PIGU: variants seen among roughly 807,000 people sequenced by gnomAD.
PIGU encodes phosphatidylinositol glycan anchor biosynthesis class U.
A neutral mutation model predicts 49.9 loss-of-function variants in PIGU; 24 were observed. The observed-to-expected ratio is 0.48, with a 90% CI of 0.35 to 0.68. The LOEUF is 0.68. Ranked by LOEUF, PIGU falls within the 30% of genes least tolerant of loss-of-function variation. The pLI, the probability that PIGU is intolerant of heterozygous loss-of-function variation, is 0.01. For synonymous variants in PIGU, 220 were observed against 205.7 expected (o/e 1.07, Z -0.59); for missense variants, 490 against 532.6 (o/e 0.92, Z 0.79).
intron 1 of PIGU, among the ~76,000 whole-genome samples, chr20:34,657,933 CCTCTCCCTCTCCCTCACCCTCTCCCT>C (rs1986755048): frequency 7.1e-6 from 1 of 140,848 alleles, no homozygotes; most frequent in African/African-American, 2.7e-5. Flanking sequence ...ATAACCTCTC[CCTCTCCCTCTCCCTCACCCTCTCCCT>C]CTCTCTCTCT....
chr20:34,654,481 C>CAAA (rs199991691), intron 2 of PIGU, among the ~76,000 whole-genome samples: 1 of 48,888 alleles, frequency 2.0e-5, no homozygotes. Flanking sequence ...AACTCTGTCT[C>CAAA]AAAAAAAAAA....
chr20:34,621,765 A>G (rs1419280244), intron 6 of PIGU, among the ~76,000 whole-genome samples: 1 of 152,248 alleles, frequency 6.6e-6, no homozygotes, highest in African/African-American at 2.4e-5. Flanking sequence ...TGCAATAAGC[A>G]AACATTTCTG....
intron 6 of PIGU, 37 bp from the exon 7 acceptor site, chr20:34,616,176 T>G (rs760688239): frequency 1.1e-5 from 17 of 1,603,136 alleles, no homozygotes; most frequent in Non-Finnish European, 1.4e-5. Context: ...TAATCCAGCC[T>G]CATCAATCAT....
chr20:34,573,317 C>T (rs1184510868), intron 11 of PIGU, among the ~76,000 whole-genome samples: 3 of 152,244 alleles, frequency 2.0e-5, no homozygotes, highest in African/African-American at 7.2e-5. Context: ...ACACTTGATC[C>T]ACCTGCCTTT....
chr20:34,594,108 T>C (rs1489550261), intron 7 of PIGU, among the ~76,000 whole-genome samples: 1 of 143,306 alleles, frequency 7.0e-6, no homozygotes, highest in Non-Finnish European at 1.5e-5. Flanking sequence ...GCCCAGGAGG[T>C]TGAGGCTTCA....
intron 7 of PIGU, among the ~76,000 whole-genome samples, chr20:34,598,901 G>A (rs758442881): frequency 6.6e-5 from 10 of 152,128 alleles, no homozygotes; most frequent in African/African-American, 9.7e-5. Flanking sequence ...GCAGTGACAG[G>A]ATCATAGTTC....
At position 34,629,169 on chromosome 20, in the gene PIGU, C is replaced by T. The variant is rs145523401; in HGVS notation, c.529+5446G>A. Among the ~76,000 whole-genome samples the T allele has an allele frequency of 1.6e-3, 248 of 152,208 alleles. 2 individuals are homozygous for T. The highest frequency in any genetic ancestry group is 5.6e-3 in the African/African-American group (232 of 41,526). ...TAGCTAGGATTACGGGTGCCTGTCACCACGCCCAGCTAATTTTTGTATTTT... is the reference window on the plus strand; with the variant it reads ...TAGCTAGGATTACGGGTGCCTGTCATCACGCCCAGCTAATTTTTGTATTTT... On this transcript the variant is annotated intron_variant, in intron 6 of 11. Coordinates refer to ENST00000217446, the MANE Select transcript of PIGU (RefSeq NM_080476.5).
At chr20:34,603,093 T>C (rs1372090918) in intron 7 of PIGU, among the ~76,000 whole-genome samples, 1 of 152,162 alleles carries the variant, frequency 6.6e-6, no homozygotes, top group Non-Finnish European at 1.5e-5. Context: ...ATTTAACCCA[T>C]ATAACATCCC....
intron 1 of PIGU, 75 bp from the exon 2 acceptor site, chr20:34,657,319 C>T: frequency 9.5e-7 from 1 of 1,054,928 alleles, no homozygotes; most frequent in Non-Finnish European, 1.5e-6. Flanking sequence ...ACCCCCACAA[C>T]CAAAAAGGGC....
intron 2 of PIGU, among the ~76,000 whole-genome samples, chr20:34,654,848 T>C (rs1986657692): frequency 9.0e-6 from 1 of 110,550 alleles, no homozygotes; most frequent in African/African-American, 3.4e-5. Flanking sequence ...CCACTAAAAA[T>C]ACAAAAATTA....
At chr20:34,602,029 C>T (rs1328813297) in intron 7 of PIGU, among the ~76,000 whole-genome samples, 1 of 152,208 alleles carries the variant, frequency 6.6e-6, no homozygotes, top group African/African-American at 2.4e-5. Flanking sequence ...CACCTGTAAT[C>T]CCAAAACTTT....
At chr20:34,664,587 G>A (rs1223888552) in intron 1 of PIGU, among the ~76,000 whole-genome samples, 1 of 152,116 alleles carries the variant, frequency 6.6e-6, no homozygotes. Context: ...AGAATCGCTT[G>A]AACCTGGGAG....
In PIGU at chr20:34,635,364, T is replaced by C. The variant is rs186874250; in HGVS notation, c.429-649A>G. ...CCCCAAGGACAGAATAAGTATCTAC[T>C]GAGCTCAACAAGTCAAGTGTTACAG... On this transcript the variant is annotated intron_variant, in intron 5 of 11. Transcript: ENST00000217446. 8.2e-3 allele frequency among the ~76,000 whole-genome samples: 1,253 copies of C among 152,324 alleles called. 25 individuals carry two copies. Among genetic ancestry groups the C allele is most frequent in the African/African-American group, 0.029 (1,213 of 41,568 alleles).
At chr20:34,614,644 T>A (rs549066982) in intron 7 of PIGU, among the ~76,000 whole-genome samples, 2 of 150,166 alleles carry the variant, frequency 1.3e-5, no homozygotes, top group East Asian at 1.9e-4. Context: ...AAAAAAAAAA[T>A]TTCTACGTTA....
chr20:34,625,771 A>T (rs1224336017), intron 6 of PIGU, among the ~76,000 whole-genome samples: 2 of 150,638 alleles, frequency 1.3e-5, no homozygotes, highest in Non-Finnish European at 3.0e-5. Context: ...CCAACTAGGC[A>T]TGGTGGTGCA....
chr20:34,659,267 C>T (rs1986841687), intron 1 of PIGU, among the ~76,000 whole-genome samples: 1 of 112,276 alleles, frequency 8.9e-6, no homozygotes, highest in African/African-American at 3.2e-5. Flanking sequence ...GGTCAGCCCC[C>T]CGCCCGGCCA....
intron 7 of PIGU, among the ~76,000 whole-genome samples, chr20:34,601,860 T>TA (rs1984437534): frequency 6.6e-6 from 1 of 152,252 alleles, no homozygotes; most frequent in Admixed American, 6.5e-5. Context: ...AATAAAACAT[T>TA]AGAGATTTGT....
chr20:34,656,280 A>AC (rs1555803012), intron 2 of PIGU, among the ~76,000 whole-genome samples: 2 of 43,214 alleles, frequency 4.6e-5, no homozygotes, highest in Non-Finnish European at 9.6e-5. Flanking sequence ...CCTGTTTATA[A>AC]TTTTTTTTTT....
chr20:34,615,030 T>C (rs916864976), intron 7 of PIGU, among the ~76,000 whole-genome samples: 1 of 152,264 alleles, frequency 6.6e-6, no homozygotes, highest in Admixed American at 6.5e-5. Flanking sequence ...GAGAGCACGC[T>C]CTGGCATCAG....
Sources: allele counts gnomAD v4.1 joint callset (sites outside exome capture counted in the v4.1 genomes callset), GRCh38; gene constraint gnomAD v4.1.1; transcripts MANE v1.5; gene names NCBI Gene and HGNC (gene_info 2026-07-23, HGNC 2026-07-21).